The following ATP13A4 variants were observed in gnomAD, a reference collection of about 807,000 sequenced individuals.
ATP13A4 encodes the protein ATPase 13A4, also known as probable cation-transporting ATPase 13A4.
A neutral mutation model predicts 142.5 loss-of-function variants in ATP13A4; 114 were observed. The observed-to-expected ratio is 0.80, with a 90% CI of 0.69 to 0.93. The LOEUF is 0.93. ATP13A4 is among the 40% of genes least tolerant of loss of function. The pLI is 0.00. For missense variants in ATP13A4, 1,392 were observed against 1,454.0 expected, an observed-to-expected ratio of 0.96 and a Z score of 0.69; for synonymous variants, 488 against 514.8, an observed-to-expected ratio of 0.95 and a Z score of 0.70.
intron 1 of ATP13A4, among the ~76,000 whole-genome samples, chr3:193,591,412 G>C (rs1175908935): frequency 6.6e-6 from 1 of 152,190 alleles, no homozygotes; most frequent in African/African-American, 2.4e-5. Flanking sequence ...GGCTGAATTT[G>C]GTCCAATGGT....
Position 193,401,157 on chromosome 3 carries a change from G to A in ATP13A4, c.*1495C>T, listed in dbSNP as rs1303994055. Among the ~76,000 whole-genome samples the A allele has an allele frequency of 6.6e-6, 1 of 152,132 alleles. No homozygotes were observed. Among genetic ancestry groups the A allele is most frequent in the Non-Finnish European group, 1.5e-5 (1 of 68,016 alleles). ...TATTGATAAGTTCCAAAGCCAGCCTGGGCCAGGACACTTATCCCCTGATCA... is the reference window on the plus strand; with the variant it reads ...TATTGATAAGTTCCAAAGCCAGCCTAGGCCAGGACACTTATCCCCTGATCA... On this transcript the variant is annotated 3_prime_UTR_variant, in exon 30 of 30. Transcript: ENST00000342695.
At chr3:193,575,256 A>G (rs145552849) in intron 2 of ATP13A4, among the ~76,000 whole-genome samples, 3 of 152,322 alleles carry the variant, frequency 2.0e-5, no homozygotes, top group African/African-American at 7.2e-5. Flanking sequence ...ATATAAGAGG[A>G]GCTATAGTGA....
intron 3 of ATP13A4, among the ~76,000 whole-genome samples, chr3:193,496,852 C>A (rs1276843922): frequency 2.6e-5 from 4 of 151,408 alleles, no homozygotes; most frequent in Non-Finnish European, 5.9e-5. Flanking sequence ...AACTGAGAAA[C>A]CTGGCAATCC....
In ATP13A4 at chr3:193,407,378, C is replaced by G; in HGVS notation, c.3313G>C (p.Val1105Leu). 1 of 1,613,160 alleles carries G rather than the reference C, an allele frequency of 6.2e-7. No individual in the cohort carries two copies. The highest frequency in any genetic ancestry group is 8.5e-7 in the Non-Finnish European group (1 of 1,179,336). ...ATGACAATGGAGGCCCTCCACAGGA[C>G]GGGAGTGCAGAGCAGCTGGCGGGAG... ...YRRLDLLCTP[V>L]LWRASIVIML... is the part of the protein sequence containing the mutation. Residue 1105 changes from valine to leucine, a missense_variant, in exon 29 of 30, where the codon GTC becomes CTC. Transcript: ENST00000342695.
chr3:193,465,925 A>T (rs1235960527), intron 11 of ATP13A4, 100 bp downstream of exon 11: 1 of 1,484,158 alleles, frequency 6.7e-7, no homozygotes, highest in Non-Finnish European at 9.3e-7. Flanking sequence ...TTTGTTTCCC[A>T]GGTTTGTAAA....
intron 2 of ATP13A4, among the ~76,000 whole-genome samples, chr3:193,511,059 T>C (rs1721115767): frequency 6.6e-6 from 1 of 152,264 alleles, no homozygotes; most frequent in Admixed American, 6.5e-5. Context: ...AGTTCTTGTC[T>C]AATTACCTAA....
At chr3:193,582,078 G>C (rs1353903037) in intron 1 of ATP13A4, among the ~76,000 whole-genome samples, 1 of 132,702 alleles carries the variant, frequency 7.5e-6, no homozygotes, top group Non-Finnish European at 1.6e-5. Context: ...TACCTGAAAA[G>C]ACTTCCATAT....
At chr3:193,471,551 C>T (rs970679003) in intron 8 of ATP13A4, among the ~76,000 whole-genome samples, 3 of 151,374 alleles carry the variant, frequency 2.0e-5, no homozygotes, top group Admixed American at 6.6e-5. Flanking sequence ...CACTGCACTC[C>T]AGCCTGGGTG....
chr3:193,422,791 A>C (rs528811722), intron 25 of ATP13A4, among the ~76,000 whole-genome samples: 1 of 149,818 alleles, frequency 6.7e-6, no homozygotes, highest in African/African-American at 2.4e-5. Flanking sequence ...AATAACAAAC[A>C]ACAACCTAAT....
rs1480069399 is a variant in ATP13A4 at position 193,399,204 on chromosome 3, C to T, written c.*3448G>A. On this transcript the variant is annotated 3_prime_UTR_variant, in exon 30 of 30. Coordinates refer to ENST00000342695, the MANE Select transcript of ATP13A4 (RefSeq NM_032279.4). ...AGGGCACCGTCTCAAATGATTTGGA[C>T]TATGTGACTGTGTTCGTTTCTCCTT... Among the ~76,000 whole-genome samples the T allele has an allele frequency of 6.6e-6, 1 of 152,124 alleles. No individual in the cohort carries two copies. The highest frequency in any genetic ancestry group is 1.5e-5 in the Non-Finnish European group (1 of 68,030).
rs183179022 is a variant in ATP13A4 at position 193,551,977 on chromosome 3, C to G, written c.60+2763G>C. ...TACTTGTTTATTTATTTATTTTTAT[C>G]TATTTACTTATTTTTGAGACAGAGT... On this transcript the variant is annotated intron_variant, in intron 1 of 29. Transcript: ENST00000342695. Among the ~76,000 whole-genome samples, 6 of 152,106 alleles carry G rather than the reference C, an allele frequency of 3.9e-5. No homozygotes were observed. In the East Asian group the frequency reaches 9.7e-4, roughly 25 times the overall value.
At chr3:193,527,095 T>C (rs916814674) in intron 1 of ATP13A4, among the ~76,000 whole-genome samples, 1 of 152,096 alleles carries the variant, frequency 6.6e-6, no homozygotes, top group Non-Finnish European at 1.5e-5. Context: ...ACCGCTGGTA[T>C]AGGAAAAAGC....
At chr3:193,402,889 T>C (rs146240364) in intron 29 of ATP13A4, 25 bp from the exon 30 acceptor site, 6 of 1,606,280 alleles carry the variant, frequency 3.7e-6, no homozygotes, top group African/African-American at 2.7e-5. Flanking sequence ...AATTACTTTT[T>C]ACAAGCAAGG....
intron 1 of ATP13A4, among the ~76,000 whole-genome samples, chr3:193,525,207 A>G (rs949063623): frequency 6.6e-6 from 1 of 152,244 alleles, no homozygotes; most frequent in African/African-American, 2.4e-5. Context: ...AGAAAGGCCA[A>G]AAATGACAAT....
chr3:193,573,290 CACATATATATATATAT>C lies in ATP13A4; in HGVS notation n.291+8401_291+8416del, dbSNP rs1270199378. Reference sequence around the variant, plus strand: ...ATATATATATACATATATATATATACACATATATATATATATACATATATATATATATATATAATTT... The same window carrying C: ...ATATATATATACATATATATATATACACATATATATATATATATATAATTT... On this transcript the variant is annotated intron_variant and non_coding_transcript_variant, in intron 2 of 3. Transcript: ENST00000489140. Among the ~76,000 whole-genome samples, 18 of 109,996 alleles carry C rather than the reference CACATATATATATATAT, an allele frequency of 1.6e-4. 1 individual carries two copies. The highest frequency in any genetic ancestry group is 7.1e-4 in the African/African-American group (16 of 22,672). The allele number at this position is 109,996 out of a possible 152,430, so 72.2% of individuals were successfully genotyped here.
At chr3:193,403,963 G>A (rs2108598283) in intron 29 of ATP13A4, 1 of 985,318 alleles carries the variant, frequency 1.0e-6, no homozygotes, top group African/African-American at 1.7e-5. Context: ...TGCCATTTAG[G>A]TTCCACTGCC....
intron 2 of ATP13A4, among the ~76,000 whole-genome samples, chr3:193,512,846 T>A (rs186495810): frequency 3.9e-5 from 6 of 152,294 alleles, no homozygotes; most frequent in Non-Finnish European, 1.5e-5. Flanking sequence ...CCCCATTTCC[T>A]CACCCATCAA....
intron 13 of ATP13A4, among the ~76,000 whole-genome samples, chr3:193,462,206 G>A (rs1717989973): frequency 7.0e-6 from 1 of 142,478 alleles, no homozygotes; most frequent in Non-Finnish European, 1.5e-5. Context: ...TGGGCGACAA[G>A]AGTGAAACTC....
intron 10 of ATP13A4, 62 bp downstream of exon 10, chr3:193,467,254 G>A: frequency 1.9e-6 from 3 of 1,539,616 alleles, no homozygotes; most frequent in Admixed American, 1.7e-5. Flanking sequence ...ATAAATTTAA[G>A]GCACTAGACA....
Sources: allele counts gnomAD v4.1 joint callset (sites outside exome capture counted in the v4.1 genomes callset), GRCh38; gene constraint gnomAD v4.1.1; transcripts MANE v1.5; gene names NCBI Gene and HGNC (gene_info 2026-07-23, HGNC 2026-07-21).